The following SYCP3 variants were observed in gnomAD, a reference collection of about 807,000 sequenced individuals.
The protein encoded by SYCP3 is synaptonemal complex protein 3.
In SYCP3, 29 loss-of-function variants were observed where a neutral mutation model predicts 38.5. The ratio of observed to expected loss-of-function variants is 0.75; its 90% CI spans 0.56 to 1.03. The LOEUF is 1.03. SYCP3 is among the 50% of genes least tolerant of loss of function. The pLI is 0.00. For missense variants in SYCP3, 242 were observed against 270.7 expected (o/e 0.89, Z 0.74); for synonymous variants, 79 against 80.3 (o/e 0.98, Z 0.08).
intron 4 of SYCP3, among the ~76,000 whole-genome samples, chr12:101,735,851 T>TTATATATA (rs1157750107): frequency 3.4e-4 from 33 of 96,002 alleles, no homozygotes; most frequent in African/African-American, 6.0e-4. Context: ...ATAATCAATT[T>TTATATATA]TATATATATA....
chr12:101,736,065 T>C (rs1405475798), intron 4 of SYCP3, among the ~76,000 whole-genome samples: 3 of 151,198 alleles, frequency 2.0e-5, no homozygotes, highest in South Asian at 4.2e-4. Flanking sequence ...CAGAAAAAAA[T>C]CTTAGTTTAA....
At position 101,737,312 on chromosome 12, in the gene SYCP3, TAAAAA is replaced by T. The variant is rs11306325; in HGVS notation, c.134-19_134-15del. On this transcript the variant is annotated splice_polypyrimidine_tract_variant and intron_variant, in intron 2 of 8. Transcript: ENST00000392924. ...CTGCAGTCTTCCCTGTATTGACAAT[TAAAAA>T]AAAAAAAAAAAAGCTTTTGAAACTG... is the stretch of plus-strand genomic sequence containing the variant. 2.7e-4 allele frequency: 384 copies of T among 1,411,572 alleles called. No individual in the cohort carries two copies. The highest frequency in any genetic ancestry group is 3.5e-4 in the Non-Finnish European group (366 of 1,043,122). 87.4% of individuals were successfully genotyped at this position (1,411,572 alleles called of 1,614,324 possible).
intron 7 of SYCP3, among the ~76,000 whole-genome samples, chr12:101,730,910 C>G (rs1566050091): frequency 6.6e-6 from 1 of 152,040 alleles, no homozygotes; most frequent in Non-Finnish European, 1.5e-5. Context: ...GGAACCACCA[C>G]TGAAAAAAAG....
At chr12:101,735,118 A>G (rs1350207847) in intron 4 of SYCP3, 74 bp from the exon 5 acceptor site, 2 of 977,288 alleles carry the variant, frequency 2.0e-6, no homozygotes, top group Non-Finnish European at 3.2e-6. Context: ...TCAAGTAAAT[A>G]TGGGTAAGGT....
At chr12:101,733,777 T>G in intron 5 of SYCP3, 103 bp from the exon 6 acceptor site, 3 of 1,011,794 alleles carry the variant, frequency 3.0e-6, no homozygotes, top group Non-Finnish European at 4.4e-6. Context: ...GAAAAGGAAA[T>G]ACCTGCAGCT....
chr12:101,734,864 A>G (rs1382112857), intron 5 of SYCP3, 63 bp downstream of exon 5: 4 of 1,131,672 alleles, frequency 3.5e-6, no homozygotes, highest in African/African-American at 3.1e-5. Flanking sequence ...AGTATTTTTC[A>G]TAAGTAATTT....
At position 101,730,221 on chromosome 12, in the gene SYCP3, G is replaced by A. The variant is rs912353485; in HGVS notation, c.553-1008C>T. Among the ~76,000 whole-genome samples the A allele has an allele frequency of 3.9e-5, 6 of 152,182 alleles. No homozygotes were observed. The South Asian group carries it at 6.2e-4, about 16-fold the overall frequency. On this transcript the variant is annotated intron_variant, in intron 7 of 8. Transcript: ENST00000392924. ...GAGGTCCTAAACTAGGGTAGTAGCA[G>A]TGGGCATTAAAAGAAAGAACCACTG...
intron 1 of SYCP3, 90 bp downstream of exon 1, chr12:101,739,261 G>A: frequency 1.0e-6 from 1 of 999,446 alleles, no homozygotes; most frequent in Non-Finnish European, 1.2e-6. Flanking sequence ...GAGGCCCCAG[G>A]CGACGCCAGG....
chr12:101,735,054 A>G lies in SYCP3; in HGVS notation c.236-10T>C, dbSNP rs778410105. On this transcript the variant is annotated splice_polypyrimidine_tract_variant and intron_variant, in intron 4 of 8. Coordinates refer to ENST00000392924, the MANE Select transcript of SYCP3 (RefSeq NM_001177949.2). ...GCCTTGTTAATGTCAACTAGATTGA[A>G]AATAAAAATTCATTAAAATTTAATG... 1 of 1,541,054 alleles carries G rather than the reference A, an allele frequency of 6.5e-7. No homozygotes were observed. Among genetic ancestry groups the G allele is most frequent in the East Asian group, 2.3e-5 (1 of 44,436 alleles).
intron 4 of SYCP3, 60 bp from the exon 5 acceptor site, chr12:101,735,104 A>T: frequency 8.6e-7 from 1 of 1,160,918 alleles, no homozygotes; most frequent in Non-Finnish European, 1.3e-6. Context: ...TTGTTCCCAC[A>T]TATTCAAGTA....
chr12:101,737,518 TAATGTC>T, intron 2 of SYCP3: 1 of 650,094 alleles, frequency 1.5e-6, no homozygotes, highest in Non-Finnish European at 2.6e-6. Flanking sequence ...CTCCCTGGGT[TAATGTC>T]ACAGTAAGCC....
Position 101,729,409 on chromosome 12 carries a change from G to A in SYCP3, c.553-196C>T, listed in dbSNP as rs529755354. On this transcript the variant is annotated intron_variant, in intron 7 of 8. Coordinates refer to ENST00000392924, the MANE Select transcript of SYCP3 (RefSeq NM_001177949.2). The stretch of plus-strand genomic sequence containing the variant: ...AAAAAATATAAGACATGAATAAAAT[G>A]TTATAGGAAGTACAATGTAGTATAC... 8.8e-6 allele frequency: 5 copies of A among 570,362 alleles called. No homozygotes were observed. The African/African-American group carries it at 9.4e-5, about 11-fold the overall frequency. The allele number at this position is 570,362 out of a possible 1,614,324, so 35.3% of individuals were successfully genotyped here.
Position 101,737,813 on chromosome 12 carries a change from A to G in SYCP3, c.123T>C (p.Asp41=). 1 of 1,614,170 alleles carries G rather than the reference A, an allele frequency of 6.2e-7. No individual in the cohort carries two copies. Among genetic ancestry groups the G allele is most frequent in the Non-Finnish European group, 8.5e-7 (1 of 1,180,036 alleles). ...TGAGATGTACTGCACCTTCAATAAC[A>G]TCTTCCTCTGATCCACTCAGATCTT... ...DKKDLSGSEE[D]VIEGKTAVIE... Residue 41 remains aspartate, a synonymous_variant, in exon 2 of 9, where the codon GAT becomes GAC. Transcript: ENST00000392924.
chr12:101,729,979 G>A (rs145673715), intron 7 of SYCP3, among the ~76,000 whole-genome samples: 51 of 152,250 alleles, frequency 3.3e-4, no homozygotes, highest in African/African-American at 1.2e-3. Flanking sequence ...TTATGTGGAG[G>A]GGTGGGGTAA....
In SYCP3 at chr12:101,728,658, T is replaced by C. The variant is rs1326097467; in HGVS notation, c.*269A>G. On this transcript the variant is annotated 3_prime_UTR_variant, in exon 9 of 9. Coordinates refer to ENST00000392924, the MANE Select transcript of SYCP3 (RefSeq NM_001177949.2). ...CAATGAAGCCAAACCTAAAATTAAA[T>C]CGTCTTTATTTAATTGACAGTGTTA... 1 of 413,958 alleles carries C rather than the reference T, an allele frequency of 2.4e-6. No individual in the cohort carries two copies. The highest frequency in any genetic ancestry group is 4.3e-6 in the Non-Finnish European group (1 of 234,700). 25.6% of individuals were successfully genotyped at this position (413,958 alleles called of 1,614,324 possible).
intron 1 of SYCP3, 180 bp downstream of exon 1, chr12:101,739,167 CCCAG>C: frequency 5.4e-6 from 4 of 741,624 alleles, no homozygotes; most frequent in Non-Finnish European, 6.6e-6. Flanking sequence ...GGGGCCCAGC[CCCAG>C]CCCAGCCCGC....
chr12:101,737,760 ATGAAC>A, intron 2 of SYCP3, 38 bp downstream of exon 2: 1 of 1,613,456 alleles, frequency 6.2e-7, no homozygotes, highest in Non-Finnish European at 8.5e-7. Flanking sequence ...TTCAAAACAA[ATGAAC>A]TGAAGGACAT....
At chr12:101,739,291 G>A in intron 1 of SYCP3, 60 bp downstream of exon 1, 1 of 1,002,426 alleles carries the variant, frequency 1.0e-6, no homozygotes, top group Non-Finnish European at 1.2e-6. Context: ...TTACCTCACT[G>A]GTCAAGGGCA....
chr12:101,733,194 C>T (rs1952257729), intron 6 of SYCP3: 1 of 206,832 alleles, frequency 4.8e-6, no homozygotes, highest in Non-Finnish European at 9.9e-6. Context: ...TAAAAACTAT[C>T]TTGCTTACTA....
Sources: gnomAD v4.1 joint callset for allele counts (sites outside exome capture counted in the v4.1 genomes callset) on GRCh38, gnomAD v4.1.1 for gene constraint, MANE v1.5 for transcripts, NCBI Gene and HGNC (gene_info 2026-07-23, HGNC 2026-07-21) for gene names.